SNX11: variants seen among roughly 807,000 people sequenced by gnomAD.
SNX11 encodes the protein sorting nexin 11.
SNX11 carries 19 observed loss-of-function variants against 30.7 expected under a neutral mutation model. That is an observed-to-expected ratio of 0.62 (90% CI 0.43 to 0.91). The LOEUF (loss-of-function observed/expected upper bound fraction) is 0.91. Among genes scored for constraint, SNX11 ranks in the 40% least tolerant of loss-of-function variants. The probability of loss-of-function intolerance (pLI) is 0.00; values close to 1 mark genes in which losing one functional copy is unlikely to be tolerated. For synonymous variants in SNX11, 112 were observed against 119.0 expected, an observed-to-expected ratio of 0.94 and a Z score of 0.38; for missense variants, 302 against 326.7, an observed-to-expected ratio of 0.92 and a Z score of 0.58.
chr17:48,121,442 G>A lies in SNX11; in HGVS notation c.747G>A (p.Arg249=). 1 of 1,614,174 alleles carries A rather than the reference G, an allele frequency of 6.2e-7. No individual in the cohort carries two copies. Among genetic ancestry groups the A allele is most frequent in the East Asian group, 2.2e-5 (1 of 44,876 alleles). Residue 249 remains arginine, a synonymous_variant, in exon 7 of 7, where the codon AGG becomes AGA. Coordinates refer to ENST00000359238, the MANE Select transcript of SNX11 (RefSeq NM_013323.3). ...CCTCCACTCTTCAGTCTGTGAGGAG[G>A]GCTGTGGGAGGAGATCATGCTGTGC... is the stretch of plus-strand genomic sequence containing the variant. ...EGTSTLQSVR[R]AVGGDHAVPL...
intron 1 of SNX11, among the ~76,000 whole-genome samples, chr17:48,109,431 T>C (rs1330590761): frequency 6.6e-6 from 1 of 151,486 alleles, no homozygotes; most frequent in Non-Finnish European, 1.5e-5. Flanking sequence ...AGCTAATTTT[T>C]GTATTTTTAG....
At chr17:48,110,528 G>T (rs1351109140) in intron 1 of SNX11, among the ~76,000 whole-genome samples, 1 of 152,162 alleles carries the variant, frequency 6.6e-6, no homozygotes, top group East Asian at 1.9e-4. Flanking sequence ...CCTTGTGTTA[G>T]CAAAACATAA....
chr17:48,111,639 C>G (rs1383104759), intron 1 of SNX11, among the ~76,000 whole-genome samples: 2 of 120,476 alleles, frequency 1.7e-5, no homozygotes, highest in East Asian at 5.0e-4. Flanking sequence ...AAGAGTGAAA[C>G]TCTGCCTCAA....
At chr17:48,120,714 G>A (rs983660082) in intron 6 of SNX11, among the ~76,000 whole-genome samples, 3 of 150,998 alleles carry the variant, frequency 2.0e-5, no homozygotes, top group African/African-American at 4.9e-5. Context: ...GTTTCACCGT[G>A]TTAGCCAGGA....
chr17:48,112,453 A>G, intron 2 of SNX11, 121 bp from the exon 3 acceptor site: 1 of 709,308 alleles, frequency 1.4e-6, no homozygotes. Flanking sequence ...GTTGAATTGA[A>G]TAAATGAAAG....
rs752462916 is a variant in SNX11 at position 48,121,731 on chromosome 17, G to C, written c.*223G>C. 2.9e-5 allele frequency: 16 copies of C among 554,652 alleles called. No individual in the cohort carries two copies. The highest frequency in any genetic ancestry group is 5.1e-5 in the Non-Finnish European group (16 of 311,828). The allele number at this position is 554,652 out of a possible 1,614,324, so 34.4% of individuals were successfully genotyped here. A position where few individuals can be genotyped will look rare whatever the true frequency, so the allele number is the denominator to read the frequency against. ...TTGTAAGTTAAACATAAGACACAGG[G>C]GCTGTTGCTTTTGAACAGAACCCTA... On this transcript the variant is annotated 3_prime_UTR_variant, in exon 7 of 7. Transcript: ENST00000359238.
intron 1 of SNX11, among the ~76,000 whole-genome samples, chr17:48,111,647 CAA>C (rs36043565): frequency 3.8e-5 from 5 of 132,936 alleles, no homozygotes; most frequent in Non-Finnish European, 4.7e-5. Context: ...AACTCTGCCT[CAA>C]AAAAAAAAAA....
At chr17:48,118,189 G>A (rs1325830500) in intron 4 of SNX11, among the ~76,000 whole-genome samples, 1 of 152,094 alleles carries the variant, frequency 6.6e-6, no homozygotes, top group Non-Finnish European at 1.5e-5. Context: ...TTTCTCACGG[G>A]GTTTTGGGAT....
intron 2 of SNX11, 47 bp downstream of exon 2, chr17:48,112,132 G>C (rs1361476378): frequency 1.6e-5 from 24 of 1,515,370 alleles, no homozygotes; most frequent in Non-Finnish European, 2.1e-5. Context: ...GTTGGAGAGG[G>C]GATTTAGGAG....
rs183763955 is a variant in SNX11, at chr17:48,113,424, C to G, written c.230+23C>G. 1.7e-5 allele frequency: 27 copies of G among 1,581,320 alleles called. No individual in the cohort carries two copies. In the East Asian group the frequency reaches 5.6e-4, roughly 33 times the overall value. ...GGTGTGAGTTTGCTCTTGCTTCCTT[C>G]TTGGGTCTGTGACTGGCTTTTTGGG... On this transcript the variant is annotated intron_variant, in intron 4 of 6. Transcript: ENST00000359238.
intron 1 of SNX11, among the ~76,000 whole-genome samples, chr17:48,109,647 G>C (rs1275905112): frequency 6.6e-6 from 1 of 151,126 alleles, no homozygotes; most frequent in Admixed American, 6.6e-5. Context: ...GCGCGATCTC[G>C]GCTCACTGCA....
chr17:48,118,887 G>A (rs1462336539), intron 5 of SNX11, 87 bp from the exon 6 acceptor site: 1 of 1,560,952 alleles, frequency 6.4e-7, no homozygotes, highest in East Asian at 2.2e-5. Context: ...TCCCTGCTCA[G>A]GTAGCCAGAA....
At chr17:48,119,478 C>T (rs1053048284) in intron 6 of SNX11, among the ~76,000 whole-genome samples, 2 of 152,040 alleles carry the variant, frequency 1.3e-5, no homozygotes, top group East Asian at 1.9e-4. Context: ...TGGAGACGGA[C>T]GCTCACTCTT....
intron 6 of SNX11, 81 bp from the exon 7 acceptor site, chr17:48,121,154 T>G: frequency 6.8e-7 from 1 of 1,463,984 alleles, no homozygotes; most frequent in Non-Finnish European, 9.3e-7. Flanking sequence ...CCTGGCTAAT[T>G]TATTTTTTTG....
rs1264124399 is a variant in SNX11 at position 48,119,535 on chromosome 17, TCTGCCTCCTGGGTTCAAGCGATTCTC to T, written c.539+357_539+382del. 7.9e-5 allele frequency among the ~76,000 whole-genome samples: 12 copies of T among 152,308 alleles called. No individual in the cohort carries two copies. In the East Asian group the frequency reaches 2.1e-3, roughly 27 times the overall value. ...GGCGTGATCTCGGCTCACTGCAACC[TCTGCCTCCTGGGTTCAAGCGATTCTC>T]CTGCCTCAGCTTCCTGAGTAGCTGG... On this transcript the variant is annotated intron_variant, in intron 6 of 6. Coordinates refer to ENST00000359238, the MANE Select transcript of SNX11 (RefSeq NM_013323.3).
At chr17:48,115,064 C>CTTT (rs1239738711) in intron 4 of SNX11, among the ~76,000 whole-genome samples, 1 of 123,200 alleles carries the variant, frequency 8.1e-6, no homozygotes, top group African/African-American at 3.0e-5. Flanking sequence ...CGCCTTTTTT[C>CTTT]TTTTTTTTTT....
chr17:48,121,221 C>A lies in SNX11; in HGVS notation c.540-14C>A. The A allele has an allele frequency of 6.2e-7, 1 of 1,613,546 alleles. No individual in the cohort carries two copies. Among genetic ancestry groups the A allele is most frequent in the Non-Finnish European group, 8.5e-7 (1 of 1,179,690 alleles). On this transcript the variant is annotated splice_polypyrimidine_tract_variant and intron_variant, in intron 6 of 6. Coordinates refer to ENST00000359238, the MANE Select transcript of SNX11 (RefSeq NM_013323.3). ...TGTTCATACCTTTCTTTTCCCTTTCCCACTCTTTTCCAGTTGCTGCTTTCT... is the reference window on the plus strand; with the variant it reads ...TGTTCATACCTTTCTTTTCCCTTTCACACTCTTTTCCAGTTGCTGCTTTCT...
rs1350406275 is a variant in SNX11 at position 48,121,253 on chromosome 17, A to G, written c.558A>G (p.Arg186=). The change falls in exon 7 of 7, where the codon AGA becomes AGG. Residue 186 remains arginine, a synonymous_variant. Transcript: ENST00000359238. ...TTTCCAGTTGCTGCTTTCTTCCAAG[A>G]TCGGGTAGGAGGAGCTCTCCCTCAC... ...DQPKSCCFLP[R]SGRRSSPSPP... is the part of the protein sequence containing the mutation. The G allele has an allele frequency of 1.9e-6, 3 of 1,613,970 alleles. No individual in the cohort carries two copies. The highest frequency in any genetic ancestry group is 1.7e-6 in the Non-Finnish European group (2 of 1,179,970).
intron 1 of SNX11, chr17:48,111,186 A>G: frequency 1.1e-6 from 1 of 945,286 alleles, no homozygotes; most frequent in Non-Finnish European, 1.3e-6. Context: ...GAAGGTCCCA[A>G]CTGGGCAACC....
Sources: gnomAD v4.1 joint callset for allele counts (sites outside exome capture counted in the v4.1 genomes callset) on GRCh38, gnomAD v4.1.1 for gene constraint, MANE v1.5 for transcripts, NCBI Gene and HGNC (gene_info 2026-07-23, HGNC 2026-07-21) for gene names.